PRDM16: variants seen among roughly 807,000 people sequenced by gnomAD.
PRDM16 encodes the protein histone-lysine N-methyltransferase PRDM16.
In PRDM16, 23 loss-of-function variants were observed where a neutral mutation model predicts 110.6. That is an observed-to-expected ratio of 0.21 (90% CI 0.15 to 0.29). The LOEUF (loss-of-function observed/expected upper bound fraction) is 0.29, where lower values mean the gene tolerates loss of function less well. PRDM16 is among the 10% of genes least tolerant of loss of function. PRDM16 has a pLI of 1.00. For synonymous variants in PRDM16, 799 were observed against 781.8 expected (o/e 1.02, Z -0.37); for missense variants, 1,615 against 1,794.3 (o/e 0.90, Z 1.81).
At chr1:3,251,924 G>T (rs1028579858) in intron 3 of PRDM16, among the ~76,000 whole-genome samples, 8 of 152,192 alleles carry the variant, frequency 5.3e-5, no homozygotes, top group South Asian at 2.1e-4. Context: ...CAAAGTCTGT[G>T]GTAATTGGTT....
chr1:3,413,437 GAAAGGCGAGTTT>G (rs1019035983), intron 9 of PRDM16, among the ~76,000 whole-genome samples: 3 of 152,106 alleles, frequency 2.0e-5, no homozygotes, highest in Non-Finnish European at 1.5e-5. Flanking sequence ...CTCTCTTGGG[GAAAGGCGAGTTT>G]AATGCCACTC....
intron 7 of PRDM16, among the ~76,000 whole-genome samples, chr1:3,405,108 C>T (rs1557656292): frequency 1.3e-5 from 2 of 152,138 alleles, no homozygotes; most frequent in Non-Finnish European, 2.9e-5. Flanking sequence ...GGGCCGAGAC[C>T]AGAACCCAGG....
At chr1:3,101,514 G>C (rs1304838779) in intron 1 of PRDM16, among the ~76,000 whole-genome samples, 1 of 152,244 alleles carries the variant, frequency 6.6e-6, no homozygotes, top group Admixed American at 6.5e-5. Context: ...GCGGCCATCG[G>C]GGAAGGGGAC....
At chr1:3,341,017 GA>G (rs150213915) in intron 3 of PRDM16, among the ~76,000 whole-genome samples, 1,531 of 152,186 alleles carry the variant, frequency 0.01, 22 homozygotes, top group African/African-American at 0.035. Flanking sequence ...CCAGGCTAGG[GA>G]GGGGGATGTG....
At chr1:3,263,931 G>A (rs937206373) in intron 3 of PRDM16, among the ~76,000 whole-genome samples, 4 of 152,106 alleles carry the variant, frequency 2.6e-5, no homozygotes, top group South Asian at 2.1e-4. Context: ...CCTCCTGTAC[G>A]GGCACTCGCC....
intron 3 of PRDM16, among the ~76,000 whole-genome samples, chr1:3,351,532 C>CCTCTCT: frequency 0.13 from 348 of 2,718 alleles, 141 homozygotes; most frequent in Non-Finnish European, 0.17. Context: ...CCGTCTCTGT[C>CCTCTCT]CCCCTCCCTC....
chr1:3,357,488 G>A (rs2100551514), intron 3 of PRDM16, among the ~76,000 whole-genome samples: 1 of 152,272 alleles, frequency 6.6e-6, no homozygotes, highest in South Asian at 2.1e-4. Context: ...GTGGCCCCAG[G>A]AGGCTCAGGG....
intron 2 of PRDM16, among the ~76,000 whole-genome samples, chr1:3,229,882 C>G (rs941156686): frequency 6.6e-6 from 1 of 152,192 alleles, no homozygotes; most frequent in African/African-American, 2.4e-5. Context: ...TTCCTTAGAG[C>G]AGGGTCTCTG....
chr1:3,418,954 C>T (rs370621987), intron 12 of PRDM16, among the ~76,000 whole-genome samples: 56 of 152,270 alleles, frequency 3.7e-4, no homozygotes, highest in African/African-American at 1.3e-3. Flanking sequence ...TGCCCAGGAA[C>T]CTTCTGGAAG....
intron 2 of PRDM16, among the ~76,000 whole-genome samples, chr1:3,235,932 G>A (rs1477420922): frequency 6.6e-6 from 1 of 152,204 alleles, no homozygotes; most frequent in Non-Finnish European, 1.5e-5. Context: ...GAGGAGCTGC[G>A]TCTTTGGCTT....
At chr1:3,402,025 G>A (rs1239321288) in intron 5 of PRDM16, among the ~76,000 whole-genome samples, 2 of 152,274 alleles carry the variant, frequency 1.3e-5, no homozygotes, top group African/African-American at 4.8e-5. Context: ...AGACATGGAT[G>A]CAGATATGCT....
chr1:3,299,350 A>G (rs1326100938), intron 3 of PRDM16, among the ~76,000 whole-genome samples: 3 of 88,506 alleles, frequency 3.4e-5, no homozygotes, highest in Non-Finnish European at 5.1e-5. Flanking sequence ...TGAAGATGCT[A>G]TGCTGTGGCT....
At chr1:3,153,503 G>A (rs1027737195) in intron 1 of PRDM16, among the ~76,000 whole-genome samples, 1 of 152,236 alleles carries the variant, frequency 6.6e-6, no homozygotes, top group Non-Finnish European at 1.5e-5. Flanking sequence ...CCAGAGCGGG[G>A]CTCCCCTGGA....
rs1477989671 is a variant in PRDM16 at position 3,080,091 on chromosome 1, G to A, written c.37+10795G>A. On this transcript the variant is annotated intron_variant, in intron 1 of 16. Coordinates refer to ENST00000270722, the MANE Select transcript of PRDM16 (RefSeq NM_022114.4). The surrounding 1 kb of genome is among the most constrained non-coding windows in gnomAD (Gnocchi z 5.2). ...AGCGATCTGGAGCACTTTTCCGCAC[G>A]CTGTAACCCCTGAGAAGAAACAAAG... is the stretch of plus-strand genomic sequence containing the variant. Among the ~76,000 whole-genome samples, 2 of 152,214 alleles carry A rather than the reference G, an allele frequency of 1.3e-5. No individual in the cohort carries two copies. Among genetic ancestry groups the A allele is most frequent in the Non-Finnish European group, 1.5e-5 (1 of 68,046 alleles).
intron 3 of PRDM16, among the ~76,000 whole-genome samples, chr1:3,310,276 G>A (rs1361153374): frequency 1.3e-5 from 2 of 152,146 alleles, no homozygotes; most frequent in African/African-American, 2.4e-5. Flanking sequence ...CCCAAAGGCC[G>A]GATGCCTGCA....
intron 3 of PRDM16, among the ~76,000 whole-genome samples, chr1:3,275,923 G>A (rs909927200): frequency 2.0e-5 from 3 of 152,226 alleles, no homozygotes; most frequent in African/African-American, 7.2e-5. Flanking sequence ...CCAAGACCAT[G>A]TTTCCCTTTC....
chr1:3,348,657 G>C (rs1363021051), intron 3 of PRDM16, among the ~76,000 whole-genome samples: 1 of 152,254 alleles, frequency 6.6e-6, no homozygotes, highest in African/African-American at 2.4e-5. Context: ...ACATGACCTT[G>C]AATGTCAGGT....
At chr1:3,207,360 T>A (rs1638777682) in intron 2 of PRDM16, 1 of 152,202 alleles carries the variant, frequency 6.6e-6, no homozygotes, top group South Asian at 2.1e-4. Context: ...TGGCATTTGT[T>A]TATGGCAGAG....
At chr1:3,114,125 G>A (rs142024512) in intron 1 of PRDM16, among the ~76,000 whole-genome samples, 278 of 152,196 alleles carry the variant, frequency 1.8e-3, no homozygotes, top group African/African-American at 6.0e-3. Flanking sequence ...GTAAGACAGC[G>A]GCGTGTATCT....
Sources: gnomAD v4.1 joint callset for allele counts (sites outside exome capture counted in the v4.1 genomes callset) on GRCh38, gnomAD v4.1.1 for gene constraint, Gnocchi (gnomAD v3.1) non-coding constraint, MANE v1.5 for transcripts, NCBI Gene and HGNC (gene_info 2026-07-23, HGNC 2026-07-21) for gene names.